METTL9: variants seen among roughly 807,000 people sequenced by gnomAD.
METTL9 encodes protein-L-histidine N-pros-methyltransferase.
Under a neutral mutation model 36.0 loss-of-function variants are expected in METTL9, and 10 were observed. The ratio of observed to expected loss-of-function variants is 0.28; its 90% CI spans 0.17 to 0.47. METTL9 has a LOEUF of 0.47. Among genes scored for constraint, METTL9 ranks in the 20% least tolerant of loss-of-function variants. METTL9 has a pLI of 0.99. For synonymous variants in METTL9, 175 were observed against 149.7 expected (o/e 1.17, Z -1.23); for missense variants, 246 against 383.5 (o/e 0.64, Z 3.00).
At chr16:21,647,184 G>T in intron 4 of METTL9, 2 of 1,614,052 alleles carry the variant, frequency 1.2e-6, no homozygotes, top group Non-Finnish European at 1.7e-6. Context: ...CTCGCTTCCG[G>T]CACACTGGGG....
intron 1 of METTL9, among the ~76,000 whole-genome samples, chr16:21,611,487 A>G (rs1965423259): frequency 6.6e-6 from 1 of 152,190 alleles, no homozygotes; most frequent in Non-Finnish European, 1.5e-5. Flanking sequence ...ATGGCAGATA[A>G]TGGGTTAATA....
intron 4 of METTL9, among the ~76,000 whole-genome samples, chr16:21,629,799 C>G (rs1203872014): frequency 6.6e-6 from 1 of 152,180 alleles, no homozygotes; most frequent in African/African-American, 2.4e-5. Context: ...CACCCACAGC[C>G]TGCTGATTGG....
At chr16:21,605,333 T>C (rs1010814593) in intron 1 of METTL9, among the ~76,000 whole-genome samples, 4 of 135,086 alleles carry the variant, frequency 3.0e-5, no homozygotes, top group Non-Finnish European at 6.2e-5. Context: ...CAAGTTGGAA[T>C]GCAGTGGCCT....
chr16:21,643,634 T>G, intron 4 of METTL9: 1 of 1,408,990 alleles, frequency 7.1e-7, no homozygotes, highest in African/African-American at 1.4e-5. Context: ...TGAAACATTT[T>G]ATGTACTCAT....
chr16:21,599,375 G>C (rs1373859855), upstream of METTL9: 26 of 1,050,642 alleles, frequency 2.5e-5, no homozygotes, highest in Non-Finnish European at 2.9e-5. This position sits in a 1 kb window ranked among gnomAD's most constrained non-coding sequence, Gnocchi z 4.4. Context: ...GCAGGGCCGG[G>C]ACACGAGAAC....
intron 1 of METTL9, among the ~76,000 whole-genome samples, chr16:21,606,551 A>G (rs1035234319): frequency 3.3e-5 from 5 of 152,120 alleles, no homozygotes; most frequent in Non-Finnish European, 5.9e-5. Context: ...GTGTCATTAC[A>G]TAGGCATGAT....
intron 4 of METTL9, chr16:21,647,155 T>G (rs1439072572): frequency 6.2e-7 from 1 of 1,614,022 alleles, no homozygotes; most frequent in East Asian, 2.2e-5. Context: ...GTGTGGTCCC[T>G]CCTCCTGTCT....
intron 4 of METTL9, chr16:21,641,386 T>G (rs1966262883): frequency 2.1e-6 from 1 of 475,180 alleles, no homozygotes; most frequent in Non-Finnish European, 3.8e-6. Context: ...AGTTATAGTT[T>G]CCTTACATTC....
intron 4 of METTL9, chr16:21,654,731 T>C (rs1313689957): frequency 6.5e-6 from 1 of 153,712 alleles, no homozygotes; most frequent in African/African-American, 2.4e-5. Flanking sequence ...GAGCCTGTTT[T>C]TATTTTCAGC....
chr16:21,643,005 T>A (rs1567344012), intron 4 of METTL9: 27 of 1,006,664 alleles, frequency 2.7e-5, no homozygotes, highest in Non-Finnish European at 4.0e-5. Context: ...GACAGCTCCT[T>A]GGCAGCTTAG....
intron 3 of METTL9, among the ~76,000 whole-genome samples, chr16:21,619,210 G>T (rs1965631639): frequency 6.6e-6 from 1 of 152,078 alleles, no homozygotes; most frequent in Admixed American, 6.6e-5. Flanking sequence ...GGATCACATG[G>T]CTAAGTCTGG....
intron 4 of METTL9, chr16:21,644,407 A>ATTAAG: frequency 6.3e-7 from 1 of 1,580,614 alleles, no homozygotes; most frequent in Non-Finnish European, 8.7e-7. Context: ...CTTAATGACA[A>ATTAAG]AAACAGAAAG....
chr16:21,639,439 C>T (rs762623820), intron 4 of METTL9: 9 of 152,146 alleles, frequency 5.9e-5, no homozygotes, highest in Non-Finnish European at 8.8e-5. Flanking sequence ...CTGTTCATTT[C>T]GATGGTATTA....
At chr16:21,652,340 T>C (rs1022880758) in intron 4 of METTL9, 1 of 486,116 alleles carries the variant, frequency 2.1e-6, no homozygotes, top group African/African-American at 2.0e-5. Context: ...TCAAGGTTAA[T>C]ATGAAACTTT....
At chr16:21,635,126 A>G (rs1222822805) in intron 4 of METTL9, among the ~76,000 whole-genome samples, 3 of 152,102 alleles carry the variant, frequency 2.0e-5, no homozygotes, top group Non-Finnish European at 4.4e-5. Flanking sequence ...ACATCTCTCC[A>G]AGCGAGGTTG....
At chr16:21,619,392 G>C (rs1031817248) in intron 3 of METTL9, among the ~76,000 whole-genome samples, 8 of 149,082 alleles carry the variant, frequency 5.4e-5, no homozygotes, top group African/African-American at 2.0e-4. Context: ...TTGGTTTTAA[G>C]GTCATCTGGA....
chr16:21,639,482 G>A (rs976659092), intron 4 of METTL9: 1 of 152,208 alleles, frequency 6.6e-6, no homozygotes, highest in Non-Finnish European at 1.5e-5. Context: ...TGGCTTAGAA[G>A]CTCATTACTT....
chr16:21,615,419 G>A (rs943796711), intron 2 of METTL9, among the ~76,000 whole-genome samples: 1 of 151,960 alleles, frequency 6.6e-6, no homozygotes, highest in Admixed American at 6.6e-5. Flanking sequence ...TTATAGAGAC[G>A]GGGTTTCACC....
At chr16:21,652,410 G>T in intron 4 of METTL9, 1 of 649,356 alleles carries the variant, frequency 1.5e-6, no homozygotes, top group Non-Finnish European at 2.5e-6. Context: ...ATCCTCTTAG[G>T]CAGTTTTCAT....
Sources: gnomAD v4.1 joint callset for allele counts (sites outside exome capture counted in the v4.1 genomes callset) on GRCh38, gnomAD v4.1.1 for gene constraint, Gnocchi (gnomAD v3.1) non-coding constraint, MANE v1.5 for transcripts, NCBI Gene and HGNC (gene_info 2026-07-23, HGNC 2026-07-21) for gene names.